The following RBFOX1 variants were observed in gnomAD, a reference collection of about 807,000 sequenced individuals.
The protein encoded by RBFOX1 is RNA binding fox-1 homolog 1.
A neutral mutation model predicts 57.7 loss-of-function variants in RBFOX1; 8 were observed. The ratio of observed to expected loss-of-function variants is 0.14; its 90% CI spans 0.08 to 0.25. The LOEUF (loss-of-function observed/expected upper bound fraction) is 0.25. Ranked by LOEUF, RBFOX1 falls within the 10% of genes least tolerant of loss-of-function variation. The probability of loss-of-function intolerance (pLI) is 1.00; values close to 1 mark genes in which losing one functional copy is unlikely to be tolerated. For missense variants in RBFOX1, 611 were observed against 548.5 expected (o/e 1.11, Z -1.14); for synonymous variants, 326 against 222.4 (o/e 1.47, Z -4.15).
intron 3 of RBFOX1, among the ~76,000 whole-genome samples, chr16:5,862,340 G>A (rs537904570): frequency 6.6e-6 from 1 of 152,292 alleles, no homozygotes; most frequent in African/African-American, 2.4e-5. Context: ...ATTTGCTGGT[G>A]GGGAGGGAAA....
At position 7,500,246 on chromosome 16, in the gene RBFOX1, C is replaced by G. The variant is rs539600673; in HGVS notation, c.28-17901C>G. ...CCTCATATTGGGAAAGAGTCAGTTA[C>G]TGATCTTGGCTCTTCACTTGCCAAG... On this transcript the variant is annotated intron_variant, in intron 4 of 15. Coordinates refer to ENST00000550418, the MANE Select transcript of RBFOX1 (RefSeq NM_018723.4). Among the ~76,000 whole-genome samples the G allele has an allele frequency of 2.0e-3, 311 of 152,298 alleles. 1 individual carries two copies. Among genetic ancestry groups the G allele is most frequent in the Middle Eastern group, 0.017 (5 of 294 alleles).
intron 4 of RBFOX1, among the ~76,000 whole-genome samples, chr16:6,006,401 C>T (rs1196208586): frequency 3.3e-5 from 5 of 151,814 alleles, no homozygotes; most frequent in Non-Finnish European, 7.4e-5. Context: ...AAAAAATGTT[C>T]TCCTTCTGCT....
chr16:7,208,196 A>G (rs1245371960), intron 4 of RBFOX1, among the ~76,000 whole-genome samples: 2 of 152,186 alleles, frequency 1.3e-5, no homozygotes, highest in Admixed American at 1.3e-4. Flanking sequence ...ACTGTAGCCA[A>G]TTATGTCACC....
intron 2 of RBFOX1, among the ~76,000 whole-genome samples, chr16:5,537,456 C>T (rs959377852): frequency 6.6e-6 from 1 of 152,216 alleles, no homozygotes; most frequent in Non-Finnish European, 1.5e-5. Flanking sequence ...AGACATCTGG[C>T]ATGGGTCTTA....
intron 4 of RBFOX1, among the ~76,000 whole-genome samples, chr16:5,979,740 T>C (rs1227374545): frequency 6.6e-6 from 1 of 152,168 alleles, no homozygotes; most frequent in Non-Finnish European, 1.5e-5. Flanking sequence ...TGTGCACCTG[T>C]AGTCCCAGCT....
At chr16:7,582,488 T>A (rs2093848837) in intron 6 of RBFOX1, among the ~76,000 whole-genome samples, 1 of 152,216 alleles carries the variant, frequency 6.6e-6, no homozygotes, top group Admixed American at 6.5e-5. Flanking sequence ...ACTAAAAATC[T>A]GTTCTTTCCT....
intron 3 of RBFOX1, among the ~76,000 whole-genome samples, chr16:6,928,072 C>A (rs567610528): frequency 1.3e-5 from 2 of 152,240 alleles, no homozygotes; most frequent in South Asian, 4.1e-4. Flanking sequence ...CCCCAGATGA[C>A]TGGGAGCTGC....
At chr16:7,456,977 G>C (rs1475430166) in intron 4 of RBFOX1, among the ~76,000 whole-genome samples, 1 of 151,724 alleles carries the variant, frequency 6.6e-6, no homozygotes, top group South Asian at 2.1e-4. Context: ...TGCAACCTCT[G>C]CCTCCTGGAT....
intron 3 of RBFOX1, among the ~76,000 whole-genome samples, chr16:5,849,343 T>C (rs1196728165): frequency 2.6e-5 from 4 of 152,042 alleles, no homozygotes; most frequent in African/African-American, 9.7e-5. Context: ...AACAGGAGAC[T>C]TGAGGTTACT....
intron 2 of RBFOX1, among the ~76,000 whole-genome samples, chr16:6,606,031 C>T (rs2097920520): frequency 6.6e-6 from 1 of 152,026 alleles, no homozygotes; most frequent in Non-Finnish European, 1.5e-5. Flanking sequence ...ATCACTTGAA[C>T]CCAGGAGGTG....
intron 2 of RBFOX1, among the ~76,000 whole-genome samples, chr16:6,556,607 A>T (rs959172606): frequency 6.6e-6 from 1 of 152,300 alleles, no homozygotes; most frequent in African/African-American, 2.4e-5. Context: ...TTTTAGATTA[A>T]TATATAGCCT....
At chr16:6,550,855 A>G (rs1450745338) in intron 2 of RBFOX1, among the ~76,000 whole-genome samples, 1 of 152,214 alleles carries the variant, frequency 6.6e-6, no homozygotes, top group Non-Finnish European at 1.5e-5. Flanking sequence ...GGCCCTAAAT[A>G]GATATTTAAT....
Position 7,495,592 on chromosome 16 carries a change from A to G in RBFOX1, c.28-22555A>G, listed in dbSNP as rs139152372. ...ATGATGATTATAAGCATTTTTTCGTATGTTTGTTGACTGTGTTTATATCTT... is the reference window on the plus strand; with the variant it reads ...ATGATGATTATAAGCATTTTTTCGTGTGTTTGTTGACTGTGTTTATATCTT... On this transcript the variant is annotated intron_variant, in intron 4 of 15. Transcript: ENST00000550418. Among the ~76,000 whole-genome samples the G allele has an allele frequency of 3.0e-3, 463 of 152,224 alleles. 2 individuals are homozygous for G. The highest frequency in any genetic ancestry group is 6.8e-3 in the South Asian group (33 of 4,826).
At chr16:6,775,823 T>C (rs574083214) in intron 3 of RBFOX1, 1 of 152,320 alleles carries the variant, frequency 6.6e-6, no homozygotes, top group Admixed American at 6.5e-5. Context: ...TGGAAATCCA[T>C]GTGTCTTATG....
intron 3 of RBFOX1, among the ~76,000 whole-genome samples, chr16:6,968,003 G>T (rs1555692130): frequency 1.3e-5 from 2 of 152,192 alleles, no homozygotes; most frequent in Non-Finnish European, 2.9e-5. Flanking sequence ...GCGGGAAGGT[G>T]CTGCCTCTGC....
At chr16:6,686,141 A>T (rs183063833) in intron 3 of RBFOX1, among the ~76,000 whole-genome samples, 5 of 152,340 alleles carry the variant, frequency 3.3e-5, no homozygotes, top group Non-Finnish European at 4.4e-5. Flanking sequence ...TTTCTTCTAC[A>T]TATTAAGCAG....
At chr16:7,030,131 G>A (rs1336381532) in intron 3 of RBFOX1, among the ~76,000 whole-genome samples, 2 of 152,142 alleles carry the variant, frequency 1.3e-5, no homozygotes, top group Non-Finnish European at 2.9e-5. Flanking sequence ...CATAACCCTG[G>A]TGGTTTTAAT....
At chr16:7,305,632 CTG>C (rs2096163403) in intron 4 of RBFOX1, among the ~76,000 whole-genome samples, 1 of 152,066 alleles carries the variant, frequency 6.6e-6, no homozygotes. Flanking sequence ...CAATTTCAAC[CTG>C]TGTTAAAGGA....
At chr16:6,400,570 G>A (rs1469321930) in intron 2 of RBFOX1, among the ~76,000 whole-genome samples, 5 of 138,860 alleles carry the variant, frequency 3.6e-5, no homozygotes, top group African/African-American at 6.9e-5. Context: ...ATAGTAAAAG[G>A]ATGGGAATAG....
Sources: allele counts gnomAD v4.1 joint callset (sites outside exome capture counted in the v4.1 genomes callset), GRCh38; gene constraint gnomAD v4.1.1; transcripts MANE v1.5; gene names NCBI Gene and HGNC (gene_info 2026-07-23, HGNC 2026-07-21).